Variants in PSMD9 observed in about 807,000 individuals in gnomAD.
The protein encoded by PSMD9 is proteasome 26S subunit, non-ATPase 9, also known as 26S proteasome non-ATPase regulatory subunit 9.
A neutral mutation model predicts 25.9 loss-of-function variants in PSMD9; 26 were observed. That is an observed-to-expected ratio of 1.00 (90% CI 0.73 to 1.39). The LOEUF is 1.39. Ranked by LOEUF, PSMD9 falls within the 40% of genes most tolerant of loss-of-function variation. The pLI is 0.00. For missense variants in PSMD9, 303 were observed against 299.3 expected, an observed-to-expected ratio of 1.01 and a Z score of -0.09; for synonymous variants, 110 against 114.5, an observed-to-expected ratio of 0.96 and a Z score of 0.25.
chr12:121,897,556 C>T (rs1879270701), intron 2 of PSMD9: 1 of 146,726 alleles, frequency 6.8e-6, no homozygotes, highest in East Asian at 2.1e-4. Context: ...CATGCCTGGC[C>T]TAATTTTTTA....
chr12:121,911,070 C>T (rs926017256), intron 4 of PSMD9: 15 of 448,850 alleles, frequency 3.3e-5, no homozygotes, highest in East Asian at 7.0e-5. Flanking sequence ...GATGGTGTCT[C>T]GCTCTGTTGC....
At chr12:121,909,297 G>A (rs1879648127) in intron 4 of PSMD9, among the ~76,000 whole-genome samples, 2 of 151,092 alleles carry the variant, frequency 1.3e-5, no homozygotes, top group East Asian at 3.9e-4. Flanking sequence ...GTGGGTGCAT[G>A]CGTCTACAGC....
chr12:121,916,464 G>C lies in PSMD9; in HGVS notation c.*153G>C. 1.1e-6 allele frequency: 1 copy of C among 918,032 alleles called. No individual in the cohort carries two copies. The highest frequency in any genetic ancestry group is 2.5e-5 in the East Asian group (1 of 40,786). 56.9% of individuals were successfully genotyped at this position (918,032 alleles called of 1,614,324 possible). ...GTGGTGGCAGTACTGTGGCCCACCA[G>C]TGTAATCTCCCTGGATTAAGGCATT... On this transcript the variant is annotated 3_prime_UTR_variant, in exon 6 of 6. Coordinates refer to ENST00000541212, the MANE Select transcript of PSMD9 (RefSeq NM_002813.7).
At chr12:121,892,864 T>G (rs1447258888) in intron 1 of PSMD9, among the ~76,000 whole-genome samples, 1 of 152,150 alleles carries the variant, frequency 6.6e-6, no homozygotes, top group Non-Finnish European at 1.5e-5. Flanking sequence ...CAGAAGATCT[T>G]GTCTCAAACC....
intron 2 of PSMD9, among the ~76,000 whole-genome samples, chr12:121,896,515 A>G (rs1565890897): frequency 6.6e-6 from 1 of 151,616 alleles, no homozygotes; most frequent in Non-Finnish European, 1.5e-5. Flanking sequence ...AGCCCTTTTT[A>G]AAGAACAGTT....
chr12:121,892,720 A>C (rs1259458304), intron 1 of PSMD9, among the ~76,000 whole-genome samples: 2 of 151,972 alleles, frequency 1.3e-5, no homozygotes, highest in Non-Finnish European at 2.9e-5. Flanking sequence ...AAAATTAAAA[A>C]TTAAAAATTA....
At chr12:121,904,535 T>C (rs1879495139) in intron 4 of PSMD9, among the ~76,000 whole-genome samples, 1 of 150,786 alleles carries the variant, frequency 6.6e-6, no homozygotes, top group Non-Finnish European at 1.5e-5. Flanking sequence ...GATCGCGCCA[T>C]TGCACTCCAG....
intron 4 of PSMD9, among the ~76,000 whole-genome samples, chr12:121,904,885 C>T (rs1879509183): frequency 6.6e-6 from 1 of 151,334 alleles, no homozygotes; most frequent in Admixed American, 6.6e-5. Context: ...CTCAAACTGG[C>T]CTCCCAAAGT....
chr12:121,914,008 G>T (rs1332618392), intron 4 of PSMD9, among the ~76,000 whole-genome samples: 1 of 151,718 alleles, frequency 6.6e-6, no homozygotes, highest in Non-Finnish European at 1.5e-5. Context: ...CAATCCTCCT[G>T]CCTCAGCCTC....
chr12:121,898,171 C>A (rs933793433), intron 2 of PSMD9: 4 of 152,202 alleles, frequency 2.6e-5, no homozygotes, highest in Admixed American at 6.6e-5. Flanking sequence ...ACTTGAATCC[C>A]TTCATGACTG....
intron 3 of PSMD9, 114 bp downstream of exon 3, chr12:121,899,959 G>A (rs1428183704): frequency 8.2e-7 from 1 of 1,220,158 alleles, no homozygotes; most frequent in African/African-American, 1.5e-5. Context: ...GCTGAGTTCA[G>A]TTACTCATTT....
chr12:121,913,243 C>CT lies in PSMD9; in HGVS notation c.556-2604dup, dbSNP rs999526702. 2.7e-4 allele frequency among the ~76,000 whole-genome samples: 41 copies of CT among 150,102 alleles called. No individual in the cohort carries two copies. In the East Asian group the frequency reaches 2.8e-3, roughly 10 times the overall value. On this transcript the variant is annotated intron_variant, in intron 4 of 5. Transcript: ENST00000541212. ...ACAGGCGTGAGCCACCGCGCCTGGC[C>CT]TTTTTTTTTGTATTTTTAGTAGAGA...
intron 2 of PSMD9, chr12:121,898,864 G>A (rs2135722462): frequency 6.6e-6 from 1 of 152,648 alleles, no homozygotes; most frequent in South Asian, 2.1e-4. Context: ...TGGGACTACA[G>A]GCGCCTGCCA....
At chr12:121,910,942 G>T (rs1879701081) in intron 4 of PSMD9, 1 of 456,144 alleles carries the variant, frequency 2.2e-6, no homozygotes, top group Non-Finnish European at 4.4e-6. Context: ...CTTTCCGCAG[G>T]CCCTGGCACC....
At position 121,912,583 on chromosome 12, in the gene PSMD9, A is replaced by G. The variant is rs74355018; in HGVS notation, c.556-3273A>G. Among the ~76,000 whole-genome samples the G allele has an allele frequency of 1.3e-3, 197 of 152,218 alleles. 5 individuals carry two copies. In the East Asian group the frequency reaches 0.036, roughly 27 times the overall value. Reference sequence around the variant, plus strand: ...ATCTTCTTTGAAGAAATGTCTATTTAGGCTGGGCGCTGTGTCTCATGCCTG... The same window carrying G: ...ATCTTCTTTGAAGAAATGTCTATTTGGGCTGGGCGCTGTGTCTCATGCCTG... On this transcript the variant is annotated intron_variant, in intron 4 of 5. Transcript: ENST00000541212.
In PSMD9 at chr12:121,899,656, A is replaced by T; in HGVS notation, c.264A>T (p.Ala88=). The T allele has an allele frequency of 1.2e-6, 2 of 1,611,052 alleles. No homozygotes were observed. Among genetic ancestry groups the T allele is most frequent in the Non-Finnish European group, 1.7e-6 (2 of 1,178,720 alleles). ...CAGGCCTGCAGAATGATCACAAGGC[A>T]GTGATGAAGCAGGTGGAGGAGGCCC... ...NIICLQNDHK[A]VMKQVEEALH... is the part of the protein sequence containing the mutation. Residue 88 remains alanine (A), a synonymous_variant, in exon 3 of 6, where the codon GCA becomes GCT. Transcript: ENST00000541212.
intron 4 of PSMD9, among the ~76,000 whole-genome samples, chr12:121,907,498 C>T (rs1428418086): frequency 6.6e-6 from 1 of 151,992 alleles, no homozygotes; most frequent in East Asian, 1.9e-4. Flanking sequence ...CCTTTTTTAG[C>T]GAACTTCCTA....
At chr12:121,893,285 A>C (rs1411318906) in intron 1 of PSMD9, among the ~76,000 whole-genome samples, 1 of 152,172 alleles carries the variant, frequency 6.6e-6, no homozygotes, top group Non-Finnish European at 1.5e-5. Flanking sequence ...AGTGTGGAGA[A>C]CTATCTCCCT....
chr12:121,900,860 C>G (rs1035690015), intron 3 of PSMD9, among the ~76,000 whole-genome samples: 2 of 151,886 alleles, frequency 1.3e-5, no homozygotes, highest in African/African-American at 4.8e-5. Context: ...TGACATGTGC[C>G]TGTAATCCCA....
Sources: allele counts gnomAD v4.1 joint callset (sites outside exome capture counted in the v4.1 genomes callset), GRCh38; gene constraint gnomAD v4.1.1; transcripts MANE v1.5; gene names NCBI Gene and HGNC (gene_info 2026-07-23, HGNC 2026-07-21).